GRB10: variants seen among roughly 807,000 people sequenced by gnomAD.
GRB10 encodes the protein growth factor receptor-bound protein 10.
A neutral mutation model predicts 80.9 loss-of-function variants in GRB10; 20 were observed. The ratio of observed to expected loss-of-function variants is 0.25; its 90% CI spans 0.17 to 0.36. GRB10 has a LOEUF of 0.36. GRB10 is among the 10% of genes least tolerant of loss of function. The pLI is 1.00. For missense variants in GRB10, 548 were observed against 747.7 expected (o/e 0.73, Z 3.12); for synonymous variants, 291 against 291.5 (o/e 1.00, Z 0.02).
chr7:50,599,822 A>G (rs1257000410), intron 17 of GRB10, among the ~76,000 whole-genome samples: 1 of 152,242 alleles, frequency 6.6e-6, no homozygotes. Flanking sequence ...CAGGTGGCCC[A>G]GCAGTGCTGA....
intron 8 of GRB10, among the ~76,000 whole-genome samples, chr7:50,626,480 C>T (rs572323947): frequency 2.6e-5 from 4 of 152,226 alleles, no homozygotes; most frequent in Non-Finnish European, 4.4e-5. Flanking sequence ...ACCTCAAGGG[C>T]ACCTCCCTCC....
intron 7 of GRB10, among the ~76,000 whole-genome samples, chr7:50,669,412 C>G (rs1215120829): frequency 6.6e-6 from 1 of 152,106 alleles, no homozygotes; most frequent in Non-Finnish European, 1.5e-5. Context: ...ACAACCAGAT[C>G]TCGTGAGAAC....
chr7:50,703,944 T>A (rs749778812), intron 4 of GRB10, 36 bp from the exon 5 acceptor site: 1 of 1,457,032 alleles, frequency 6.9e-7, no homozygotes. Context: ...AGGCTGTGAG[T>A]TCACAAGAAG....
At chr7:50,632,967 T>C (rs1237940606) in intron 7 of GRB10, among the ~76,000 whole-genome samples, 1 of 152,070 alleles carries the variant, frequency 6.6e-6, no homozygotes, top group Non-Finnish European at 1.5e-5. Context: ...GCCAGGGTGG[T>C]GGCAGAGTGC....
At chr7:50,744,998 G>A (rs1310461680) in intron 3 of GRB10, among the ~76,000 whole-genome samples, 1 of 151,960 alleles carries the variant, frequency 6.6e-6, no homozygotes. Context: ...TTTATGATTT[G>A]TATATATTTT....
At chr7:50,704,024 A>G in intron 4 of GRB10, 116 bp from the exon 5 acceptor site, 1 of 700,554 alleles carries the variant, frequency 1.4e-6, no homozygotes, top group Non-Finnish European at 2.6e-6. Flanking sequence ...CTTCCTTTCC[A>G]CTTACTTACT....
intron 2 of GRB10, among the ~76,000 whole-genome samples, chr7:50,757,752 C>T (rs773156494): frequency 4.6e-5 from 7 of 152,196 alleles, no homozygotes; most frequent in Non-Finnish European, 8.8e-5. Context: ...AATGGACTTA[C>T]GGTCACCATC....
chr7:50,601,421 T>C (rs57365483), intron 17 of GRB10, among the ~76,000 whole-genome samples: 4,361 of 152,300 alleles, frequency 0.029, 188 homozygotes, highest in African/African-American at 0.099. Flanking sequence ...CAAACCTGAT[T>C]TACCCAGCAG....
At chr7:50,737,161 T>C (rs1195334506) in intron 3 of GRB10, among the ~76,000 whole-genome samples, 3 of 152,224 alleles carry the variant, frequency 2.0e-5, no homozygotes, top group African/African-American at 7.2e-5. Flanking sequence ...ACCCAGAATA[T>C]ATAAATGATA....
intron 7 of GRB10, among the ~76,000 whole-genome samples, chr7:50,630,628 G>T (rs1237162895): frequency 6.6e-6 from 1 of 152,134 alleles, no homozygotes; most frequent in Non-Finnish European, 1.5e-5. Flanking sequence ...GATGCAGCAG[G>T]AACAATTCAG....
At chr7:50,653,945 G>A (rs1031271215) in intron 7 of GRB10, among the ~76,000 whole-genome samples, 4 of 152,160 alleles carry the variant, frequency 2.6e-5, no homozygotes, top group Admixed American at 2.0e-4. Flanking sequence ...GTAACCATGC[G>A]GCTGTCACTG....
chr7:50,773,755 G>A (rs117585272), intron 2 of GRB10, among the ~76,000 whole-genome samples: 2,422 of 152,276 alleles, frequency 0.016, 48 homozygotes, highest in South Asian at 0.02. Flanking sequence ...AATGTTTACA[G>A]AAGCATTATT....
intron 7 of GRB10, among the ~76,000 whole-genome samples, chr7:50,652,246 C>G (rs886695008): frequency 1.3e-5 from 2 of 152,188 alleles, no homozygotes; most frequent in East Asian, 1.9e-4. Flanking sequence ...TGAGAGCACA[C>G]ACTGCTAGTA....
intron 7 of GRB10, among the ~76,000 whole-genome samples, chr7:50,635,342 C>T (rs1402999088): frequency 6.6e-6 from 1 of 151,968 alleles, no homozygotes; most frequent in Non-Finnish European, 1.5e-5. Flanking sequence ...AATAGAGACA[C>T]AACATATCAA....
intron 11 of GRB10, among the ~76,000 whole-genome samples, chr7:50,615,962 C>A (rs141713532): frequency 2.0e-5 from 3 of 152,270 alleles, no homozygotes; most frequent in Non-Finnish European, 4.4e-5. Flanking sequence ...TGCTCCCAAC[C>A]CGCAGTGGGG....
At chr7:50,620,352 T>A (rs1204499440) in intron 8 of GRB10, among the ~76,000 whole-genome samples, 1 of 152,162 alleles carries the variant, frequency 6.6e-6, no homozygotes, top group Non-Finnish European at 1.5e-5. Flanking sequence ...TTGAGGAAAG[T>A]TTCATCTTGG....
intron 3 of GRB10, among the ~76,000 whole-genome samples, chr7:50,751,007 C>A (rs1044017016): frequency 3.3e-5 from 5 of 152,160 alleles, no homozygotes; most frequent in Non-Finnish European, 7.4e-5. Flanking sequence ...GCTTGCTTGG[C>A]CCCCAAGCCT....
intron 5 of GRB10, among the ~76,000 whole-genome samples, chr7:50,688,532 G>A (rs545999182): frequency 2.6e-5 from 4 of 152,092 alleles, no homozygotes; most frequent in African/African-American, 7.2e-5. Flanking sequence ...GACAAAGGCC[G>A]GGGAGGGCAA....
At chr7:50,700,603 G>A (rs1328606002) in intron 5 of GRB10, among the ~76,000 whole-genome samples, 1 of 152,084 alleles carries the variant, frequency 6.6e-6, no homozygotes, top group Middle Eastern at 3.4e-3. Context: ...TTGAAGCTTA[G>A]AAAGTTAGCC....
Sources: gnomAD v4.1 joint callset for allele counts (sites outside exome capture counted in the v4.1 genomes callset) on GRCh38, gnomAD v4.1.1 for gene constraint, MANE v1.5 for transcripts, NCBI Gene and HGNC (gene_info 2026-07-23, HGNC 2026-07-21) for gene names.